GOLGA7: variants seen among roughly 807,000 people sequenced by gnomAD.
GOLGA7 encodes golgin A7.
A neutral mutation model predicts 21.1 loss-of-function variants in GOLGA7; 10 were observed. That is an observed-to-expected ratio of 0.47 (90% CI 0.29 to 0.80). The LOEUF is 0.80. GOLGA7 is among the 30% of genes least tolerant of loss of function. GOLGA7 has a pLI of 0.08. For synonymous variants in GOLGA7, 64 were observed against 62.6 expected, an observed-to-expected ratio of 1.02 and a Z score of -0.10; for missense variants, 114 against 166.8, an observed-to-expected ratio of 0.68 and a Z score of 1.74.
At chr8:41,500,649 C>T (rs182473428) in intron 2 of GOLGA7, among the ~76,000 whole-genome samples, 70 of 152,340 alleles carry the variant, frequency 4.6e-4, no homozygotes, top group African/African-American at 1.4e-3. Context: ...ACGCTGGTCT[C>T]GAACTCCTGG....
At chr8:41,500,717 G>T (rs755818944) in intron 2 of GOLGA7, among the ~76,000 whole-genome samples, 17 of 152,190 alleles carry the variant, frequency 1.1e-4, no homozygotes, top group Admixed American at 1.1e-3. Context: ...GGCCTGAGCC[G>T]CTGCGCCCAG....
intron 1 of GOLGA7, among the ~76,000 whole-genome samples, chr8:41,492,886 G>C (rs1249250782): frequency 6.6e-6 from 1 of 152,198 alleles, no homozygotes; most frequent in African/African-American, 2.4e-5. Context: ...CACAGAATCA[G>C]ACATTAGCCT....
In GOLGA7 at chr8:41,490,754, G is replaced by C. The variant is rs1805859460; in HGVS notation, c.-101G>C. The stretch of plus-strand genomic sequence containing the variant: ...TTGGGCTGTTTTCGGCGGCGGGTGG[G>C]GGCGAGGGGCTGGCGGGTCAGAGTC... On this transcript the variant is annotated 5_prime_UTR_variant, in exon 1 of 5. Transcript: ENST00000357743. 1.5e-6 allele frequency: 1 copy of C among 674,476 alleles called. No homozygotes were observed. Among genetic ancestry groups the C allele is most frequent in the Non-Finnish European group, 2.7e-6 (1 of 375,150 alleles). The allele number at this position is 674,476 out of a possible 1,614,324, so 41.8% of individuals were successfully genotyped here. A position where few individuals can be genotyped will look rare whatever the true frequency, so the allele number is the denominator to read the frequency against.
intron 3 of GOLGA7, among the ~76,000 whole-genome samples, chr8:41,506,808 AATTT>A (rs1331017803): frequency 9.2e-5 from 14 of 152,204 alleles, no homozygotes; most frequent in African/African-American, 2.7e-4. Context: ...TCGTTTTCAG[AATTT>A]ATTTGTTTTG....
chr8:41,508,658 A>G (rs970128754), intron 4 of GOLGA7, among the ~76,000 whole-genome samples: 3 of 152,218 alleles, frequency 2.0e-5, no homozygotes, highest in Admixed American at 6.5e-5. Context: ...GTGAGGTTTG[A>G]GCAATTACAC....
intron 2 of GOLGA7, among the ~76,000 whole-genome samples, chr8:41,503,256 GTTGT>G (rs1265211755): frequency 3.3e-5 from 5 of 149,880 alleles, no homozygotes; most frequent in Admixed American, 6.6e-5. Flanking sequence ...TTTTGATGGG[GTTGT>G]TTGTTTTTTT....
chr8:41,491,675 TA>T (rs11321591), intron 1 of GOLGA7, among the ~76,000 whole-genome samples: 124,415 of 148,614 alleles, frequency 0.84, 52,316 homozygotes, highest in Non-Finnish European at 0.89. Flanking sequence ...AGCAAAACTT[TA>T]AAAAAAAAAA....
intron 2 of GOLGA7, among the ~76,000 whole-genome samples, chr8:41,499,915 C>T (rs1161608454): frequency 6.6e-6 from 1 of 152,178 alleles, no homozygotes; most frequent in African/African-American, 2.4e-5. Context: ...GTGCTCTTCC[C>T]TTCCATATCA....
chr8:41,493,128 T>A (rs754404847), intron 1 of GOLGA7, among the ~76,000 whole-genome samples: 4 of 152,234 alleles, frequency 2.6e-5, no homozygotes, highest in Non-Finnish European at 4.4e-5. Flanking sequence ...TTTAAATGTT[T>A]GGGTTAAAAC....
At chr8:41,505,360 G>T (rs959510052) in intron 2 of GOLGA7, among the ~76,000 whole-genome samples, 1 of 152,182 alleles carries the variant, frequency 6.6e-6, no homozygotes, top group Non-Finnish European at 1.5e-5. Context: ...ATGCCCACAT[G>T]CTCTACAAAG....
intron 1 of GOLGA7, among the ~76,000 whole-genome samples, chr8:41,494,847 C>T (rs1196160693): frequency 1.3e-5 from 2 of 152,152 alleles, no homozygotes; most frequent in Non-Finnish European, 2.9e-5. Flanking sequence ...ACACAACGGA[C>T]AAAACAATGA....
intron 2 of GOLGA7, among the ~76,000 whole-genome samples, chr8:41,498,830 T>C (rs969782436): frequency 5.3e-5 from 8 of 152,204 alleles, no homozygotes; most frequent in African/African-American, 1.4e-4. Flanking sequence ...CAGGCACTCA[T>C]TGAATGTATG....
At position 41,490,636 on chromosome 8, in the gene GOLGA7, G is replaced by C. The variant is rs536581926; in HGVS notation, c.-219G>C. Reference sequence around the variant, plus strand: ...GAGGCGGGTTTGTGTTTCCCGGGCCGAACCGGGTTGTGGGGGGCGCGGGGC... The same window carrying C: ...GAGGCGGGTTTGTGTTTCCCGGGCCCAACCGGGTTGTGGGGGGCGCGGGGC... On this transcript the variant is annotated 5_prime_UTR_variant, in exon 1 of 5. Transcript: ENST00000357743. The C allele has an allele frequency of 1.9e-6, 1 of 536,844 alleles. No individual in the cohort carries two copies. Among genetic ancestry groups the C allele is most frequent in the Non-Finnish European group, 3.3e-6 (1 of 304,116 alleles). The allele number at this position is 536,844 out of a possible 1,614,324, so 33.3% of individuals were successfully genotyped here.
intron 1 of GOLGA7, among the ~76,000 whole-genome samples, chr8:41,495,369 C>G (rs542631416): frequency 6.6e-6 from 1 of 151,874 alleles, no homozygotes; most frequent in South Asian, 2.1e-4. Context: ...ACTGCAACCT[C>G]CACTTCCCAG....
chr8:41,490,417 G>A (rs1160947130), upstream of GOLGA7: 3 of 160,268 alleles, frequency 1.9e-5, no homozygotes, highest in Admixed American at 1.9e-4. Flanking sequence ...GGTCGGCCCT[G>A]GCCCCGCCCA....
At position 41,505,067 on chromosome 8, in the gene GOLGA7, C is replaced by T. The variant is rs144869237; in HGVS notation, c.265-844C>T. Among the ~76,000 whole-genome samples, 130 of 152,284 alleles carry T rather than the reference C, an allele frequency of 8.5e-4. 2 individuals are homozygous for T. The East Asian group carries it at 0.024, about 28-fold the overall frequency. ...TGATGACTTCGAGCCTGAAATAAAA[C>T]ATGTAACTCTTTGATTTGGGATGTA... On this transcript the variant is annotated intron_variant, in intron 2 of 4. Coordinates refer to ENST00000357743, the MANE Select transcript of GOLGA7 (RefSeq NM_001002296.2).
Position 41,492,348 on chromosome 8 carries a change from G to A in GOLGA7, c.111+1383G>A, listed in dbSNP as rs1054327588. 1.4e-4 allele frequency among the ~76,000 whole-genome samples: 22 copies of A among 152,206 alleles called. 2 individuals carry two copies. The highest frequency in any genetic ancestry group is 1.5e-5 in the Non-Finnish European group (1 of 68,040). ...AAAATAATTTAACATCACAATTGAT[G>A]TGTTTTACATGTTAAGATTGACATG... On this transcript the variant is annotated intron_variant, in intron 1 of 4. Transcript: ENST00000357743.
At chr8:41,491,310 G>A (rs532539191) in intron 1 of GOLGA7, among the ~76,000 whole-genome samples, 10 of 152,312 alleles carry the variant, frequency 6.6e-5, no homozygotes, top group Non-Finnish European at 1.3e-4. Flanking sequence ...GAGGCTCCAG[G>A]TCGTCTCAGT....
chr8:41,490,966 GT>G lies in GOLGA7; in HGVS notation c.111+2del, dbSNP rs1247720478. The G allele has an allele frequency of 1.3e-6, 2 of 1,512,200 alleles. No homozygotes were observed. Among genetic ancestry groups the G allele is most frequent in the Non-Finnish European group, 1.8e-6 (2 of 1,102,496 alleles). The allele number at this position is 1,512,200 out of a possible 1,614,324, so 93.7% of individuals were successfully genotyped here. A position where few individuals can be genotyped will look rare whatever the true frequency, so the allele number is the denominator to read the frequency against. Reference sequence around the variant, plus strand: ...GTTCCCTGCGGAGCTGGAGAACCGGGTACGCAACCTGGCTCCCCACGCCTGC... The same window carrying G: ...GTTCCCTGCGGAGCTGGAGAACCGGGACGCAACCTGGCTCCCCACGCCTGC... On this transcript the variant is annotated splice_donor_variant, in intron 1 of 4. Coordinates refer to ENST00000357743, the MANE Select transcript of GOLGA7 (RefSeq NM_001002296.2). LOFTEE classifies it high-confidence loss of function.
Sources: allele counts gnomAD v4.1 joint callset (sites outside exome capture counted in the v4.1 genomes callset), GRCh38; gene constraint gnomAD v4.1.1; transcripts MANE v1.5; gene names NCBI Gene and HGNC (gene_info 2026-07-23, HGNC 2026-07-21).